METTL13: variants seen among roughly 807,000 people sequenced by gnomAD.
METTL13 encodes the protein eEF1A lysine and N-terminal methyltransferase.
Under a neutral mutation model 67.4 loss-of-function variants are expected in METTL13, and 52 were observed. The ratio of observed to expected loss-of-function variants is 0.77; its 90% CI spans 0.62 to 0.97. The LOEUF (loss-of-function observed/expected upper bound fraction) is 0.97. Among genes scored for constraint, METTL13 ranks in the 50% least tolerant of loss-of-function variants. METTL13 has a pLI of 0.00. For missense variants in METTL13, 825 were observed against 889.6 expected (o/e 0.93, Z 0.92); for synonymous variants, 354 against 353.6 (o/e 1.00, Z -0.01).
rs778729030 is a variant in METTL13 at position 171,783,968 on chromosome 1, C to T, written c.382C>T (p.Leu128=). 5.0e-6 allele frequency: 8 copies of T among 1,614,226 alleles called. No homozygotes were observed. Among genetic ancestry groups the T allele is most frequent in the African/African-American group, 1.3e-5 (1 of 75,060 alleles). Residue 128 remains leucine (L), a synonymous_variant, in exon 2 of 8, where the codon CTG becomes TTG. Transcript: ENST00000361735. The part of the protein sequence containing the change: ...VLDKGTLDAV[L]TDEEEKTLQQ... Reference sequence around the variant, plus strand: ...GGACAAGGGCACCCTGGATGCTGTCCTGACAGATGAGGAAGAGAAGACCTT... The same window carrying T: ...GGACAAGGGCACCCTGGATGCTGTCTTGACAGATGAGGAAGAGAAGACCTT...
intron 4 of METTL13, among the ~76,000 whole-genome samples, chr1:171,788,259 G>A (rs1226817439): frequency 6.6e-6 from 1 of 152,242 alleles, no homozygotes; most frequent in East Asian, 1.9e-4. Flanking sequence ...AACTATGGAA[G>A]TTGCAGGTGA....
At chr1:171,787,002 C>T (rs1327448216) in intron 3 of METTL13, among the ~76,000 whole-genome samples, 1 of 152,040 alleles carries the variant, frequency 6.6e-6, no homozygotes, top group Non-Finnish European at 1.5e-5. Context: ...GTTTTGCCCA[C>T]TAGGCTGACT....
At position 171,796,538 on chromosome 1, in the gene METTL13, G is replaced by A. The variant is rs1454780232; in HGVS notation, c.1882G>A (p.Ala628Thr). Residue 628 changes from alanine to threonine, a missense_variant, in exon 8 of 8, where the codon GCT becomes ACT. Transcript: ENST00000361735. ...RDLGLKDSVL[A>T]GLKAVFPLLY... Reference sequence around the variant, plus strand: ...CTTGGGGCTAAAAGACTCAGTGCTGGCTGGGCTCAAGGCAGTGTTCCCCCT... The same window carrying A: ...CTTGGGGCTAAAAGACTCAGTGCTGACTGGGCTCAAGGCAGTGTTCCCCCT... 3.7e-6 allele frequency: 6 copies of A among 1,614,076 alleles called. No homozygotes were observed. In the South Asian group the frequency reaches 6.6e-5, roughly 18 times the overall value.
chr1:171,790,609 A>C lies in METTL13; in HGVS notation c.1467A>C (p.Leu489=). 4 of 1,555,466 alleles carry C rather than the reference A, an allele frequency of 2.6e-6. No individual in the cohort carries two copies. The highest frequency in any genetic ancestry group is 3.5e-6 in the Non-Finnish European group (4 of 1,154,192). ...TTGCCCTGCTGAGAAACCCAGAGCTACTCCTAGGTGAGAGAGATGCCACTG... is the reference window on the plus strand; with the variant it reads ...TTGCCCTGCTGAGAAACCCAGAGCTCCTCCTAGGTGAGAGAGATGCCACTG... ...AGLALLRNPE[L]LLEIPLALLV... The change falls in exon 5 of 8, where the codon CTA becomes CTC. Residue 489 remains leucine (L), a synonymous_variant. Coordinates refer to ENST00000361735, the MANE Select transcript of METTL13 (RefSeq NM_015935.5).
rs1656830195 is a variant in METTL13, at chr1:171,781,863, T to C, written c.-105T>C. 1 of 1,532,780 alleles carries C rather than the reference T, an allele frequency of 6.5e-7. No individual in the cohort carries two copies. Among genetic ancestry groups the C allele is most frequent in the African/African-American group, 1.4e-5 (1 of 72,100 alleles). The allele number at this position is 1,532,780 out of a possible 1,614,324, so 94.9% of individuals were successfully genotyped here. A position where few individuals can be genotyped will look rare whatever the true frequency, so the allele number is the denominator to read the frequency against. On this transcript the variant is annotated 5_prime_UTR_variant, in exon 1 of 8. Coordinates refer to ENST00000361735, the MANE Select transcript of METTL13 (RefSeq NM_015935.5). Reference sequence around the variant, plus strand: ...TGTGGCTGTTTTTCCGTGGAAAGAATTCCCACTGCAGTGTCCCGGAGCCTG... The same window carrying C: ...TGTGGCTGTTTTTCCGTGGAAAGAACTCCCACTGCAGTGTCCCGGAGCCTG...
chr1:171,785,931 A>G lies in METTL13; in HGVS notation c.966A>G (p.Lys322=), dbSNP rs17650204. The G allele has an allele frequency of 0.09, 144,626 of 1,613,564 alleles. 7,372 individuals carry two copies. Among genetic ancestry groups the G allele is most frequent in the Non-Finnish European group, 0.1 (121,838 of 1,179,872 alleles). ...EWLFGMDEGR[K]QLAASAGFRR... is the part of the protein sequence containing the mutation. ...TCTTTGGCATGGATGAGGGCCGGAA[A>G]CAGCTGGCGGCCAGTGCTGGCTTCA... The change falls in exon 3 of 8, where the codon AAA becomes AAG. Residue 322 remains lysine (K), a synonymous_variant. Transcript: ENST00000361735.
Position 171,782,253 on chromosome 1 carries a change from T to C in METTL13, c.153+133T>C, listed in dbSNP as rs898681117. 10 of 783,564 alleles carry C rather than the reference T, an allele frequency of 1.3e-5. No homozygotes were observed. The African/African-American group carries it at 1.6e-4, about 12-fold the overall frequency. 48.5% of individuals were successfully genotyped at this position (783,564 alleles called of 1,614,324 possible). On this transcript the variant is annotated intron_variant, in intron 1 of 7. Transcript: ENST00000361735. ...ACGCATATTTCAGCATTTCCTGCATTGTTCCTGCTAAAAGACAAACTAGAA... is the reference window on the plus strand; with the variant it reads ...ACGCATATTTCAGCATTTCCTGCATCGTTCCTGCTAAAAGACAAACTAGAA...
rs200343786 is a variant in METTL13 at position 171,786,029 on chromosome 1, C to T, written c.1064C>T (p.Ser355Leu). ...ESMDHIQAEL[S>L]ARVMELAPAG... ...ATGGACCACATCCAAGCTGAGCTGT[C>T]GGCTAGAGTCATGGAGCTGGCCCCA... is the stretch of plus-strand genomic sequence containing the variant. The change falls in exon 3 of 8, where the codon TCG becomes TTG. Residue 355 changes from serine to leucine, a missense_variant. Transcript: ENST00000361735. 6 of 1,613,864 alleles carry T rather than the reference C, an allele frequency of 3.7e-6. No individual in the cohort carries two copies. Among genetic ancestry groups the T allele is most frequent in the South Asian group, 3.3e-5 (3 of 91,036 alleles).
rs550550232 is a variant in METTL13, at chr1:171,790,880, A to G, written c.1474+264A>G. 68 of 293,790 alleles carry G rather than the reference A, an allele frequency of 2.3e-4. 1 individual carries two copies. The South Asian group carries it at 7.9e-3, about 34-fold the overall frequency. The allele number at this position is 293,790 out of a possible 1,614,324, so 18.2% of individuals were successfully genotyped here. On this transcript the variant is annotated intron_variant, in intron 5 of 7. Transcript: ENST00000361735. ...TTTCTTTTTAAAATTAAGGTATATC[A>G]TGTATTCAATGAGATATGTAAAAAT... is the stretch of plus-strand genomic sequence containing the variant.
intron 2 of METTL13, 129 bp downstream of exon 2, chr1:171,784,628 G>A: frequency 5.0e-6 from 6 of 1,206,414 alleles, no homozygotes; most frequent in Non-Finnish European, 6.5e-6. Flanking sequence ...GTCTTGCAGG[G>A]GTTTGTACTT....
intron 4 of METTL13, 105 bp from the exon 5 acceptor site, chr1:171,790,347 T>C (rs1319476662): frequency 2.4e-6 from 3 of 1,266,254 alleles, no homozygotes; most frequent in African/African-American, 3.1e-5. Flanking sequence ...ATTTTAACGA[T>C]TGGGTCTTTT....
At chr1:171,794,253 T>C in intron 6 of METTL13, 143 bp from the exon 7 acceptor site, 1 of 1,244,480 alleles carries the variant, frequency 8.0e-7, no homozygotes, top group Non-Finnish European at 1.1e-6. Context: ...ATCAGTGCCC[T>C]TACAGGCAAA....
Position 171,792,054 on chromosome 1 carries a change from G to A in METTL13, c.1512G>A (p.Gly504=), listed in dbSNP as rs1471892930. ...PLALLVVGLG[G]GSLPLFVHDH... The stretch of plus-strand genomic sequence containing the variant: ...CATTGTTGGTGGTAGGCCTGGGCGG[G>A]GGCAGCCTCCCCCTCTTTGTCCACG... Residue 504 remains glycine (G), a synonymous_variant, in exon 6 of 8, where the codon GGG becomes GGA. Coordinates refer to ENST00000361735, the MANE Select transcript of METTL13 (RefSeq NM_015935.5). The A allele has an allele frequency of 6.2e-7, 1 of 1,612,980 alleles. No homozygotes were observed. Among genetic ancestry groups the A allele is most frequent in the South Asian group, 1.1e-5 (1 of 91,028 alleles).
intron 7 of METTL13, among the ~76,000 whole-genome samples, chr1:171,795,874 T>G (rs1226605385): frequency 6.6e-6 from 1 of 152,182 alleles, no homozygotes; most frequent in African/African-American, 2.4e-5. Flanking sequence ...ATTGATTGAT[T>G]GAGACAAAGT....
Position 171,796,711 on chromosome 1 carries a change from C to CA in METTL13, c.2056dup (p.Thr686AsnfsTer18). ...GGAAGCCTGGGAGGGGTTGGGATGA[C>CA]ACGTATGTCTTGTCAGATATGCTCA... On this transcript the variant is annotated frameshift_variant, in exon 8 of 8. Transcript: ENST00000361735. LOFTEE classifies it high-confidence loss of function. 3 of 1,614,194 alleles carry CA rather than the reference C, an allele frequency of 1.9e-6. No individual in the cohort carries two copies. The highest frequency in any genetic ancestry group is 2.2e-5 in the South Asian group (2 of 91,084).
chr1:171,786,531 C>T (rs1400820526), intron 3 of METTL13, among the ~76,000 whole-genome samples: 1 of 152,186 alleles, frequency 6.6e-6, no homozygotes, highest in East Asian at 1.9e-4. Context: ...GGGAAGGAAA[C>T]CGAAGGTTTT....
In METTL13 at chr1:171,785,872, T is replaced by C; in HGVS notation, c.914-7T>C. 2 of 1,611,966 alleles carry C rather than the reference T, an allele frequency of 1.2e-6. No homozygotes were observed. Among genetic ancestry groups the C allele is most frequent in the South Asian group, 1.1e-5 (1 of 90,814 alleles). ...AGGACTCCCTGTAACCAAGTTCTTT[T>C]TTCTAGTCCCTCAGGGCCGGGAGAC... On this transcript the variant is annotated splice_region_variant and splice_polypyrimidine_tract_variant and intron_variant, in intron 2 of 7. Transcript: ENST00000361735.
At chr1:171,794,337 A>G (rs1460028976) in intron 6 of METTL13, 59 bp from the exon 7 acceptor site, 14 of 1,609,366 alleles carry the variant, frequency 8.7e-6, no homozygotes, top group African/African-American at 1.3e-5. Flanking sequence ...TAGTGTTGGA[A>G]TGTAAATGGT....
At chr1:171,790,705 CA>C in intron 5 of METTL13, 89 bp downstream of exon 5, 1 of 1,282,722 alleles carries the variant, frequency 7.8e-7, no homozygotes, top group Non-Finnish European at 1.0e-6. Context: ...AGTTGAAGAA[CA>C]GCAATTACAA....
Sources: allele counts gnomAD v4.1 joint callset (sites outside exome capture counted in the v4.1 genomes callset), GRCh38; gene constraint gnomAD v4.1.1; transcripts MANE v1.5; gene names NCBI Gene and HGNC (gene_info 2026-07-23, HGNC 2026-07-21).